The following RXRG variants were observed in gnomAD, a reference collection of about 807,000 sequenced individuals.
RXRG encodes retinoic acid receptor RXR-gamma.
RXRG carries 19 observed loss-of-function variants against 49.2 expected under a neutral mutation model. The ratio of observed to expected loss-of-function variants is 0.39; its 90% CI spans 0.27 to 0.57. The LOEUF is 0.57. Ranked by LOEUF, RXRG falls within the 20% of genes least tolerant of loss-of-function variation. RXRG has a pLI of 0.64. For synonymous variants in RXRG, 224 were observed against 216.6 expected (o/e 1.03, Z -0.30); for missense variants, 452 against 592.5 (o/e 0.76, Z 2.46).
intron 1 of RXRG, among the ~76,000 whole-genome samples, chr1:165,434,258 A>G (rs1364916815): frequency 2.1e-5 from 3 of 140,372 alleles, no homozygotes; most frequent in African/African-American, 8.2e-5. Flanking sequence ...CACAATCTCT[A>G]AACAATGAAT....
At chr1:165,405,106 T>C (rs909913631) in intron 9 of RXRG, among the ~76,000 whole-genome samples, 28 of 152,188 alleles carry the variant, frequency 1.8e-4, no homozygotes, top group Non-Finnish European at 5.9e-5. Flanking sequence ...ATTGCTTTTA[T>C]AGTTAGGAAA....
intron 4 of RXRG, among the ~76,000 whole-genome samples, chr1:165,415,694 A>G (rs1345258892): frequency 6.6e-6 from 1 of 152,212 alleles, no homozygotes; most frequent in Non-Finnish European, 1.5e-5. Context: ...CAACTGGAAA[A>G]TAAGTGGCCA....
At position 165,410,779 on chromosome 1, in the gene RXRG, G is replaced by T. The variant is rs2101710730; in HGVS notation, c.836C>A (p.Thr279Asn). ...ICHAADKQLF[T>N]LVEWAKRIPH... ...AATACGCTTGGCCCATTCAACGAGG[G>T]TGAAAAGCTGCTTGTCAGCAGCATG... The change falls in exon 6 of 10, where the codon ACC (threonine) becomes AAC (asparagine). Residue 279 changes from threonine (T) to asparagine (N), a missense_variant. Thr to Asn is a moderately conservative substitution (Grantham distance 65, BLOSUM62 0). Coordinates refer to ENST00000359842, the MANE Select transcript of RXRG (RefSeq NM_006917.5). 1 of 1,614,166 alleles carries T rather than the reference G, an allele frequency of 6.2e-7. No individual in the cohort carries two copies. Among genetic ancestry groups the T allele is most frequent in the Middle Eastern group, 1.6e-4 (1 of 6,062 alleles).
chr1:165,425,566 G>T (rs564781606), intron 2 of RXRG, among the ~76,000 whole-genome samples: 3 of 152,026 alleles, frequency 2.0e-5, no homozygotes, highest in Admixed American at 1.3e-4. Context: ...GATTTTACTC[G>T]CCTTCCTGGA....
chr1:165,431,418 G>A (rs915321447), intron 1 of RXRG, among the ~76,000 whole-genome samples: 4 of 152,312 alleles, frequency 2.6e-5, no homozygotes, highest in South Asian at 2.1e-4. Flanking sequence ...GACATTTAAC[G>A]AGGCCAATGT....
At chr1:165,409,763 T>C (rs1227961926) in intron 6 of RXRG, 73 bp from the exon 7 acceptor site, 1 of 1,298,364 alleles carries the variant, frequency 7.7e-7, no homozygotes, top group Non-Finnish European at 1.0e-6. Flanking sequence ...ACCCAAGGCA[T>C]GTACTATTAT....
chr1:165,404,242 G>A (rs1041483224), intron 9 of RXRG, among the ~76,000 whole-genome samples: 1 of 152,178 alleles, frequency 6.6e-6, no homozygotes, highest in East Asian at 1.9e-4. Context: ...CTTGATCAGG[G>A]CAGTCAGCCT....
At position 165,416,976 on chromosome 1, in the gene RXRG, G is replaced by C. The variant is rs1462177829; in HGVS notation, c.622+65C>G. On this transcript the variant is annotated intron_variant, in intron 4 of 9. Coordinates refer to ENST00000359842, the MANE Select transcript of RXRG (RefSeq NM_006917.5). ...CCATGACTTCTCGTGTATTGCAGTT[G>C]AATGTCCCCTTGCCTAGGAAATGCC... The C allele has an allele frequency of 3.4e-5, 50 of 1,490,928 alleles. No homozygotes were observed. In the South Asian group the frequency reaches 5.2e-4, roughly 16 times the overall value. The allele number at this position is 1,490,928 out of a possible 1,614,324, so 92.4% of individuals were successfully genotyped here.
chr1:165,419,778 TTTTCC>T, intron 3 of RXRG, 87 bp downstream of exon 3: 1 of 1,205,458 alleles, frequency 8.3e-7, no homozygotes. Flanking sequence ...TAAAGGGCCA[TTTTCC>T]TTTCATTGAG....
chr1:165,444,298 A>G (rs1340964853), intron 1 of RXRG, among the ~76,000 whole-genome samples: 3 of 152,216 alleles, frequency 2.0e-5, no homozygotes, highest in Admixed American at 6.5e-5. Flanking sequence ...AAAACAGGGG[A>G]AGGAAAACAC....
chr1:165,420,031 T>A lies in RXRG; in HGVS notation c.298-17A>T. The A allele has an allele frequency of 1.9e-6, 3 of 1,584,834 alleles. No individual in the cohort carries two copies. Among genetic ancestry groups the A allele is most frequent in the Non-Finnish European group, 2.6e-6 (3 of 1,163,064 alleles). Reference sequence around the variant, plus strand: ...CACATTTAGCTGCAAGAGAAAAAAATACTGTAAAGCACAGAGCCAGAGTAA... The same window carrying A: ...CACATTTAGCTGCAAGAGAAAAAAAAACTGTAAAGCACAGAGCCAGAGTAA... On this transcript the variant is annotated splice_polypyrimidine_tract_variant and intron_variant, in intron 2 of 9. Coordinates refer to ENST00000359842, the MANE Select transcript of RXRG (RefSeq NM_006917.5).
chr1:165,417,014 C>A, intron 4 of RXRG, 27 bp downstream of exon 4: 1 of 1,594,726 alleles, frequency 6.3e-7, no homozygotes. Flanking sequence ...TCTCCGGACA[C>A]GAGTTTTGGA....
At chr1:165,403,667 G>A (rs575050760) in intron 9 of RXRG, among the ~76,000 whole-genome samples, 18 of 152,308 alleles carry the variant, frequency 1.2e-4, no homozygotes, top group African/African-American at 4.3e-4. Flanking sequence ...CTGAACTCCC[G>A]GCCGTGCCTC....
At chr1:165,419,067 G>A (rs1226265205) in intron 3 of RXRG, among the ~76,000 whole-genome samples, 1 of 152,150 alleles carries the variant, frequency 6.6e-6, no homozygotes, top group Non-Finnish European at 1.5e-5. Flanking sequence ...TAATCAAATC[G>A]GAGATTCGGA....
chr1:165,443,860 A>C (rs1333619776), intron 1 of RXRG, among the ~76,000 whole-genome samples: 1 of 152,142 alleles, frequency 6.6e-6, no homozygotes, highest in Non-Finnish European at 1.5e-5. Flanking sequence ...GGGACTTTTC[A>C]ATTTTCAAAA....
At chr1:165,423,242 C>T (rs968302714) in intron 2 of RXRG, among the ~76,000 whole-genome samples, 17 of 152,348 alleles carry the variant, frequency 1.1e-4, no homozygotes, top group African/African-American at 2.4e-4. Context: ...CCCCCAATCC[C>T]GGCTGTCTTG....
intron 2 of RXRG, among the ~76,000 whole-genome samples, chr1:165,427,943 G>C (rs1450601304): frequency 6.6e-6 from 1 of 152,230 alleles, no homozygotes; most frequent in African/African-American, 2.4e-5. Flanking sequence ...ATCTGAAGCA[G>C]AGCCATCTGT....
Position 165,434,280 on chromosome 1 carries a change from A to ATGTGTGTGTGTGTGTGTG in RXRG, c.50-5332_50-5315dup, listed in dbSNP as rs57708987. ...TCTAAACAATGAATTGCATGTGTGT[A>ATGTGTGTGTGTGTGTGTG]TGTGTGTGTGTGTGTGTGTGTGTGT... On this transcript the variant is annotated intron_variant, in intron 1 of 9. Coordinates refer to ENST00000359842, the MANE Select transcript of RXRG (RefSeq NM_006917.5). Among the ~76,000 whole-genome samples, 891 of 131,062 alleles carry ATGTGTGTGTGTGTGTGTG rather than the reference A, an allele frequency of 6.8e-3. 16 individuals carry two copies. The highest frequency in any genetic ancestry group is 0.019 in the African/African-American group (744 of 39,248). The allele number at this position is 131,062 out of a possible 152,430, so 86.0% of individuals were successfully genotyped here. A position where few individuals can be genotyped will look rare whatever the true frequency, so the allele number is the denominator to read the frequency against.
At chr1:165,443,470 A>C (rs934939621) in intron 1 of RXRG, among the ~76,000 whole-genome samples, 4 of 152,168 alleles carry the variant, frequency 2.6e-5, no homozygotes, top group Non-Finnish European at 5.9e-5. Context: ...CTGTCATCAG[A>C]CTGGCCCAAA....
Sources: gnomAD v4.1 joint callset for allele counts (sites outside exome capture counted in the v4.1 genomes callset) on GRCh38, gnomAD v4.1.1 for gene constraint, MANE v1.5 for transcripts, NCBI Gene and HGNC (gene_info 2026-07-23, HGNC 2026-07-21) for gene names.